CCSER1: variants seen among roughly 807,000 people sequenced by gnomAD.
The protein encoded by CCSER1 is serine-rich coiled-coil domain-containing protein 1.
CCSER1 carries 41 observed loss-of-function variants against 82.0 expected under a neutral mutation model. The observed-to-expected ratio is 0.50, with a 90% CI of 0.39 to 0.65. CCSER1 has a LOEUF of 0.65. Among genes scored for constraint, CCSER1 ranks in the 30% least tolerant of loss-of-function variants. CCSER1 has a pLI of 0.00. For missense variants in CCSER1, 1,119 were observed against 1,064.2 expected (o/e 1.05, Z -0.72); for synonymous variants, 414 against 383.9 (o/e 1.08, Z -0.92).
At chr4:90,697,609 A>G (rs1737211801) in intron 6 of CCSER1, among the ~76,000 whole-genome samples, 1 of 152,140 alleles carries the variant, frequency 6.6e-6, no homozygotes, top group Admixed American at 6.6e-5. Flanking sequence ...TATTTTTGCT[A>G]TCCGCATAAA....
Position 91,507,956 on chromosome 4 carries a change from G to A in CCSER1, c.2218-90616G>A, listed in dbSNP as rs191987211. Among the ~76,000 whole-genome samples the A allele has an allele frequency of 1.6e-3, 239 of 149,134 alleles. 2 individuals are homozygous for A. Among genetic ancestry groups the A allele is most frequent in the African/African-American group, 5.6e-3 (228 of 40,968 alleles). The stretch of plus-strand genomic sequence containing the variant: ...ACAACATATCTGAGCTGGTTTATTA[G>A]TTCTAATAAGCTCTTCATCAATTTC... On this transcript the variant is annotated intron_variant, in intron 10 of 10. Coordinates refer to ENST00000509176, the MANE Select transcript of CCSER1 (RefSeq NM_001145065.2).
intron 5 of CCSER1, among the ~76,000 whole-genome samples, chr4:90,534,438 C>CTTTT (rs919937396): frequency 1.6e-5 from 2 of 122,294 alleles, no homozygotes; most frequent in African/African-American, 6.5e-5. Context: ...CTGTGCCAGC[C>CTTTT]TTTTGTGTGT....
intron 9 of CCSER1, among the ~76,000 whole-genome samples, chr4:91,006,270 G>C (rs1738496190): frequency 1.3e-5 from 2 of 151,094 alleles, no homozygotes; most frequent in Non-Finnish European, 1.5e-5. Flanking sequence ...TTTTTTTGTA[G>C]CTATTATAAA....
At position 90,843,023 on chromosome 4, in the gene CCSER1, A is replaced by G. The variant is rs145487938; in HGVS notation, c.2094+27178A>G. On this transcript the variant is annotated intron_variant, in intron 8 of 10. Transcript: ENST00000509176. Reference sequence around the variant, plus strand: ...CTAGACTTAGTTTGAAGGGGATGACATCTCTTGAAAAGAGTCAGCACAGGT... The same window carrying G: ...CTAGACTTAGTTTGAAGGGGATGACGTCTCTTGAAAAGAGTCAGCACAGGT... Among the ~76,000 whole-genome samples the G allele has an allele frequency of 4.5e-3, 693 of 152,310 alleles. 9 individuals are homozygous for G. The highest frequency in any genetic ancestry group is 0.016 in the African/African-American group (666 of 41,568).
At chr4:91,419,727 AG>A (rs1244648809) in intron 10 of CCSER1, among the ~76,000 whole-genome samples, 1 of 152,088 alleles carries the variant, frequency 6.6e-6, no homozygotes, top group Non-Finnish European at 1.5e-5. Flanking sequence ...GAGCCACAAA[AG>A]TCCAATAATA....
chr4:90,425,612 A>G (rs1422958836), intron 4 of CCSER1, among the ~76,000 whole-genome samples: 1 of 152,194 alleles, frequency 6.6e-6, no homozygotes, highest in East Asian at 1.9e-4. Flanking sequence ...TGCCAGAGTA[A>G]TAATCTAGCC....
At chr4:90,154,425 G>A (rs1727605147) in intron 1 of CCSER1, among the ~76,000 whole-genome samples, 3 of 152,204 alleles carry the variant, frequency 2.0e-5, no homozygotes, top group Admixed American at 2.0e-4. Context: ...GAAAGTCATT[G>A]GTAGCTTGAT....
At chr4:90,851,166 C>T (rs1353066290) in intron 8 of CCSER1, among the ~76,000 whole-genome samples, 1 of 152,168 alleles carries the variant, frequency 6.6e-6, no homozygotes, top group African/African-American at 2.4e-5. Flanking sequence ...TAAATTAAAT[C>T]TTTTTTCTTT....
intron 1 of CCSER1, among the ~76,000 whole-genome samples, chr4:90,229,023 TGGAACCAA>T (rs1743862575): frequency 6.6e-6 from 1 of 151,994 alleles, no homozygotes; most frequent in Non-Finnish European, 1.5e-5. Flanking sequence ...ATGGGGAGAA[TGGAACCAA>T]GTTGGAAAAC....
At chr4:91,219,769 T>C (rs1737589435) in intron 10 of CCSER1, among the ~76,000 whole-genome samples, 1 of 152,172 alleles carries the variant, frequency 6.6e-6, no homozygotes, top group Non-Finnish European at 1.5e-5. Context: ...TAGTACAATA[T>C]ATTTATAAAA....
intron 10 of CCSER1, among the ~76,000 whole-genome samples, chr4:91,478,200 T>G (rs1757697898): frequency 6.6e-6 from 1 of 151,944 alleles, no homozygotes; most frequent in African/African-American, 2.4e-5. Context: ...CTAACTGATT[T>G]CAATTATTTC....
chr4:90,296,165 G>T (rs1731860164), intron 1 of CCSER1, among the ~76,000 whole-genome samples: 1 of 151,988 alleles, frequency 6.6e-6, no homozygotes, highest in African/African-American at 2.4e-5. Context: ...GTCTTTGAAT[G>T]TTCATAATAT....
chr4:91,384,504 G>C (rs903440516), intron 10 of CCSER1, among the ~76,000 whole-genome samples: 3 of 151,592 alleles, frequency 2.0e-5, no homozygotes, highest in Admixed American at 2.0e-4. Flanking sequence ...ATGCTGTTAG[G>C]ATAACAAAAT....
chr4:91,315,141 G>A (rs1002256958), intron 10 of CCSER1, among the ~76,000 whole-genome samples: 74 of 77,562 alleles, frequency 9.5e-4, no homozygotes, highest in African/African-American at 3.4e-3. Context: ...AGATAGAACC[G>A]TGTGTGCAAG....
intron 9 of CCSER1, among the ~76,000 whole-genome samples, chr4:90,951,517 T>C (rs1422030570): frequency 6.6e-6 from 1 of 152,128 alleles, no homozygotes; most frequent in African/African-American, 2.4e-5. Context: ...GAGATATTCT[T>C]CTTTATACAT....
rs1362295444 is a variant in CCSER1 at position 90,724,888 on chromosome 4, G to A, written c.2010+897G>A. ...ATTGCTTATACCTAGTACAGTTGCT[G>A]GCATGGATTTTCATATATTCAATAT... On this transcript the variant is annotated intron_variant, in intron 7 of 10. Coordinates refer to ENST00000509176, the MANE Select transcript of CCSER1 (RefSeq NM_001145065.2). 6.9e-5 allele frequency: 21 copies of A among 302,542 alleles called. No individual in the cohort carries two copies. The East Asian group carries it at 1.6e-3, about 23-fold the overall frequency. The allele number at this position is 302,542 out of a possible 1,614,324, so 18.7% of individuals were successfully genotyped here. A position where few individuals can be genotyped will look rare whatever the true frequency, so the allele number is the denominator to read the frequency against.
In CCSER1 at chr4:90,697,305, G is replaced by A. The variant is rs765263621; in HGVS notation, c.1933-26609G>A. On this transcript the variant is annotated intron_variant, in intron 6 of 10. Coordinates refer to ENST00000509176, the MANE Select transcript of CCSER1 (RefSeq NM_001145065.2). Reference sequence around the variant, plus strand: ...TACATCAAAAGTTTCAGAAGCCTGCGCAAGATTGTAAAGTTCAAGATGAGA... The same window carrying A: ...TACATCAAAAGTTTCAGAAGCCTGCACAAGATTGTAAAGTTCAAGATGAGA... 6.6e-5 allele frequency among the ~76,000 whole-genome samples: 10 copies of A among 152,212 alleles called. No individual in the cohort carries two copies. In the East Asian group the frequency reaches 9.7e-4, roughly 15 times the overall value.
rs116410166 is a variant in CCSER1, at chr4:91,068,128, G to T, written c.2173-17822G>T. Among the ~76,000 whole-genome samples the T allele has an allele frequency of 7.7e-3, 1,179 of 152,170 alleles. 11 individuals carry two copies. Among genetic ancestry groups the T allele is most frequent in the African/African-American group, 0.027 (1,133 of 41,522 alleles). ...TTTGAAAGATGTTATTACCAGATAGGGAGAACTAAAATATACTCAATTAGT... is the reference window on the plus strand; with the variant it reads ...TTTGAAAGATGTTATTACCAGATAGTGAGAACTAAAATATACTCAATTAGT... On this transcript the variant is annotated intron_variant, in intron 9 of 10. Transcript: ENST00000509176.
chr4:91,364,237 A>T (rs371205268), intron 10 of CCSER1, among the ~76,000 whole-genome samples: 2 of 152,186 alleles, frequency 1.3e-5, no homozygotes, highest in East Asian at 3.9e-4. Context: ...TCTTCAGTTC[A>T]AAATGCAAAG....
Sources: gnomAD v4.1 joint callset for allele counts (sites outside exome capture counted in the v4.1 genomes callset) on GRCh38, gnomAD v4.1.1 for gene constraint, MANE v1.5 for transcripts, NCBI Gene and HGNC (gene_info 2026-07-23, HGNC 2026-07-21) for gene names.